The following IGF2BP3 variants were observed in gnomAD, a reference collection of about 807,000 sequenced individuals.
The protein encoded by IGF2BP3 is insulin-like growth factor 2 mRNA-binding protein 3.
In IGF2BP3, 9 loss-of-function variants were observed where a neutral mutation model predicts 73.8. The ratio of observed to expected loss-of-function variants is 0.12; its 90% CI spans 0.07 to 0.21. The LOEUF is 0.21. IGF2BP3 is among the 10% of genes least tolerant of loss of function. The pLI, the probability that IGF2BP3 is intolerant of heterozygous loss-of-function variation, is 1.00. For synonymous variants in IGF2BP3, 258 were observed against 256.7 expected (o/e 1.01, Z -0.05); for missense variants, 542 against 714.0 (o/e 0.76, Z 2.75).
intron 11 of IGF2BP3, among the ~76,000 whole-genome samples, chr7:23,318,405 T>G (rs550050860): frequency 9.2e-5 from 14 of 152,112 alleles, no homozygotes; most frequent in African/African-American, 3.1e-4. Flanking sequence ...CTTTTTTTTT[T>G]GTAGAGATGG....
At chr7:23,379,571 G>A (rs779589562) in intron 3 of IGF2BP3, among the ~76,000 whole-genome samples, 9 of 152,116 alleles carry the variant, frequency 5.9e-5, no homozygotes, top group Non-Finnish European at 1.0e-4. Context: ...GAGAAGTTAT[G>A]GTTAGCAGAA....
rs906016147 is a variant in IGF2BP3 at position 23,313,558 on chromosome 7, A to G, written c.1491T>C (p.Phe497=). 6 of 1,613,972 alleles carry G rather than the reference A, an allele frequency of 3.7e-6. No individual in the cohort carries two copies. Among genetic ancestry groups the G allele is most frequent in the Non-Finnish European group, 5.1e-6 (6 of 1,180,018 alleles). Residue 497 remains phenylalanine, a synonymous_variant, in exon 13 of 15, where the codon TTT becomes TTC. Transcript: ENST00000258729. ...KLEAHIRVPS[F]AAGRVIGKGG... ...CTTTTCCAATAACTCTGCCAGCAGC[A>G]AAGGATGGCACTCTGATATGAGCTT...
chr7:23,332,264 A>G (rs910622083), intron 10 of IGF2BP3, among the ~76,000 whole-genome samples: 31 of 152,182 alleles, frequency 2.0e-4, no homozygotes, highest in African/African-American at 7.5e-4. Context: ...GTAAGAGTTA[A>G]CCCAAAATTC....
intron 2 of IGF2BP3, 150 bp downstream of exon 2, chr7:23,468,332 C>CG (rs1788618002): frequency 3.8e-6 from 3 of 787,076 alleles, no homozygotes; most frequent in Non-Finnish European, 6.6e-6. Flanking sequence ...CACACACCCC[C>CG]GCCATAAACT....
intron 2 of IGF2BP3, 121 bp downstream of exon 2, chr7:23,468,361 A>C (rs1788618599): frequency 1.0e-6 from 1 of 973,348 alleles, no homozygotes; most frequent in African/African-American, 1.6e-5. Context: ...AGGATTAAAG[A>C]CCGGAACACC....
chr7:23,320,073 G>C (rs1042723293), intron 10 of IGF2BP3, among the ~76,000 whole-genome samples: 3 of 151,022 alleles, frequency 2.0e-5, no homozygotes, highest in Non-Finnish European at 2.9e-5. Context: ...ACCACACCCG[G>C]CTAATTTTTT....
intron 3 of IGF2BP3, among the ~76,000 whole-genome samples, chr7:23,399,365 T>C (rs1413055695): frequency 1.3e-5 from 2 of 150,366 alleles, no homozygotes; most frequent in African/African-American, 2.5e-5. Flanking sequence ...ATTGTGCACA[T>C]GTACCCTAAA....
intron 2 of IGF2BP3, among the ~76,000 whole-genome samples, chr7:23,463,174 A>G (rs534459286): frequency 2.0e-5 from 3 of 152,234 alleles, no homozygotes; most frequent in African/African-American, 7.2e-5. Flanking sequence ...TACTGAATGG[A>G]TAACTCACAC....
intron 3 of IGF2BP3, chr7:23,415,108 C>T (rs542530620): frequency 1.4e-5 from 3 of 217,474 alleles, no homozygotes; most frequent in Middle Eastern, 1.7e-3. Context: ...AGGTCCCGTC[C>T]GTCAGTCGGC....
chr7:23,321,560 T>G (rs1288770499), intron 10 of IGF2BP3, among the ~76,000 whole-genome samples: 1 of 152,178 alleles, frequency 6.6e-6, no homozygotes, highest in Non-Finnish European at 1.5e-5. Context: ...TCGAACTGGG[T>G]GGAGCCCACC....
intron 12 of IGF2BP3, among the ~76,000 whole-genome samples, chr7:23,314,320 C>T (rs1783916714): frequency 6.6e-6 from 1 of 151,930 alleles, no homozygotes; most frequent in African/African-American, 2.4e-5. Context: ...GTAGCTGGGA[C>T]TACAGGCACT....
At chr7:23,413,202 C>A (rs1364955628) in intron 3 of IGF2BP3, 1 of 151,164 alleles carries the variant, frequency 6.6e-6, no homozygotes, top group Non-Finnish European at 1.5e-5. Flanking sequence ...ACATTCCTGC[C>A]GGGCGCAGTG....
At chr7:23,387,985 G>A (rs532702454) in intron 3 of IGF2BP3, among the ~76,000 whole-genome samples, 1 of 152,182 alleles carries the variant, frequency 6.6e-6, no homozygotes, top group South Asian at 2.1e-4. Flanking sequence ...TGCCCAGGCT[G>A]GATGAAGTGC....
intron 6 of IGF2BP3, among the ~76,000 whole-genome samples, chr7:23,348,637 G>A (rs142651917): frequency 5.4e-4 from 82 of 152,180 alleles, no homozygotes; most frequent in Non-Finnish European, 9.3e-4. Flanking sequence ...GGGGTGTCTT[G>A]TGCATTGTAG....
intron 2 of IGF2BP3, among the ~76,000 whole-genome samples, chr7:23,437,720 T>C (rs1787838463): frequency 6.6e-6 from 1 of 152,074 alleles, no homozygotes; most frequent in African/African-American, 2.4e-5. Context: ...CAACTGCAAT[T>C]TAACAACAAA....
At chr7:23,379,480 G>A (rs530717022) in intron 3 of IGF2BP3, among the ~76,000 whole-genome samples, 5 of 152,272 alleles carry the variant, frequency 3.3e-5, no homozygotes, top group African/African-American at 4.8e-5. Flanking sequence ...CACCTATTGC[G>A]AATGAACTGG....
In IGF2BP3 at chr7:23,468,526, G is replaced by A. The variant is rs1425428350; in HGVS notation, c.192C>T (p.His64=). 5 of 1,614,050 alleles carry A rather than the reference G, an allele frequency of 3.1e-6. No homozygotes were observed. Among genetic ancestry groups the A allele is most frequent in the East Asian group, 4.5e-5 (2 of 44,888 alleles). The change falls in exon 2 of 15, where the codon CAC becomes CAT. Residue 64 remains histidine, a synonymous_variant. Coordinates refer to ENST00000258729, the MANE Select transcript of IGF2BP3 (RefSeq NM_006547.3). ...IEALSGKIEL[H]GKPIEVEHSV... ...AGTGCTCAACTTCTATGGGTTTCCC[G>A]TGCAGTTCTATTTTACCTGCGGACA...
chr7:23,386,477 A>T (rs781701660), intron 3 of IGF2BP3, among the ~76,000 whole-genome samples: 5 of 152,248 alleles, frequency 3.3e-5, no homozygotes, highest in Non-Finnish European at 7.3e-5. Flanking sequence ...GAGTGACCAA[A>T]GGGACACAGG....
At chr7:23,373,385 AGT>A (rs1165954241) in intron 3 of IGF2BP3, among the ~76,000 whole-genome samples, 2 of 152,202 alleles carry the variant, frequency 1.3e-5, no homozygotes, top group African/African-American at 2.4e-5. Context: ...TGTTTTTAGA[AGT>A]GTGTGTGTCA....
Sources: allele counts gnomAD v4.1 joint callset (sites outside exome capture counted in the v4.1 genomes callset), GRCh38; gene constraint gnomAD v4.1.1; transcripts MANE v1.5; gene names NCBI Gene and HGNC (gene_info 2026-07-23, HGNC 2026-07-21).